Variants in VAV2 observed in about 807,000 individuals in gnomAD.
The protein encoded by VAV2 is vav guanine nucleotide exchange factor 2.
In VAV2, 67 loss-of-function variants were observed where a neutral mutation model predicts 132.5. The observed-to-expected ratio is 0.51, with a 90% confidence interval of 0.42 to 0.62. The LOEUF is 0.62. Among genes scored for constraint, VAV2 ranks in the 20% least tolerant of loss-of-function variants. The pLI, the probability that VAV2 is intolerant of heterozygous loss-of-function variation, is 0.00. For synonymous variants in VAV2, 492 were observed against 443.5 expected, an observed-to-expected ratio of 1.11 and a Z score of -1.37; for missense variants, 938 against 1,153.6, an observed-to-expected ratio of 0.81 and a Z score of 2.71.
chr9:133,968,829 G>A (rs774091430), intron 1 of VAV2, among the ~76,000 whole-genome samples: 2 of 152,146 alleles, frequency 1.3e-5, no homozygotes, highest in Non-Finnish European at 2.9e-5. Context: ...CGAGACCCCC[G>A]GCTGGCTGGC....
intron 2 of VAV2, among the ~76,000 whole-genome samples, chr9:133,873,107 C>CG (rs1466145553): frequency 3.6e-3 from 45 of 12,536 alleles, no homozygotes; most frequent in African/African-American, 0.011. Context: ...AGGGAGGGGG[C>CG]GGGGGGGTGG....
chr9:133,806,014 C>G, intron 9 of VAV2, 67 bp downstream of exon 9: 2 of 1,493,848 alleles, frequency 1.3e-6, no homozygotes, highest in Non-Finnish European at 1.8e-6. Context: ...CACAAGAGTT[C>G]CACTTGTGTA....
At chr9:133,939,372 G>C in intron 1 of VAV2, 153 bp from the exon 2 acceptor site, 1 of 736,662 alleles carries the variant, frequency 1.4e-6, no homozygotes, top group East Asian at 2.5e-5. Flanking sequence ...TGGGCTCAGA[G>C]AGATGACGAA....
chr9:133,830,561 T>C (rs977779775), intron 4 of VAV2, among the ~76,000 whole-genome samples: 1 of 152,238 alleles, frequency 6.6e-6, no homozygotes, highest in East Asian at 1.9e-4. Flanking sequence ...CCTTCCACCA[T>C]GACTATAAGT....
At chr9:133,811,965 G>A in intron 5 of VAV2, 149 bp downstream of exon 5, 1 of 742,554 alleles carries the variant, frequency 1.3e-6, no homozygotes, top group South Asian at 1.7e-5. Flanking sequence ...AAGGACCAAG[G>A]GGTGCACCTC....
At chr9:133,852,697 A>G (rs1352672841) in intron 3 of VAV2, among the ~76,000 whole-genome samples, 7 of 151,810 alleles carry the variant, frequency 4.6e-5, no homozygotes, top group African/African-American at 1.7e-4. Flanking sequence ...AGCAAGAGGG[A>G]GCTCATCTAC....
At position 133,846,897 on chromosome 9, in the gene VAV2, C is replaced by T. The variant is rs556532669; in HGVS notation, c.381-12557G>A. On this transcript the variant is annotated intron_variant, in intron 3 of 29. Transcript: ENST00000371850. Reference sequence around the variant, plus strand: ...CCACTGGGCAGGGGCTCCCAGCAAGCGTGAAGATGAGGATGGAGCCCCACT... The same window carrying T: ...CCACTGGGCAGGGGCTCCCAGCAAGTGTGAAGATGAGGATGGAGCCCCACT... 5.9e-5 allele frequency among the ~76,000 whole-genome samples: 9 copies of T among 152,310 alleles called. No homozygotes were observed. In the South Asian group the frequency reaches 1.9e-3, roughly 32 times the overall value.
At chr9:133,948,386 G>A (rs1841442204) in intron 1 of VAV2, among the ~76,000 whole-genome samples, 1 of 152,242 alleles carries the variant, frequency 6.6e-6, no homozygotes, top group African/African-American at 2.4e-5. Context: ...GGGGTGCGGA[G>A]CTGCTCTACC....
chr9:133,991,799 C>G lies in VAV2; in HGVS notation c.204+276G>C, dbSNP rs1843029576. 6.6e-6 allele frequency among the ~76,000 whole-genome samples: 1 copy of G among 151,160 alleles called. No individual in the cohort carries two copies. The highest frequency in any genetic ancestry group is 1.5e-5 in the Non-Finnish European group (1 of 67,612). On this transcript the variant is annotated intron_variant, in intron 1 of 29. Coordinates refer to ENST00000371850, the MANE Select transcript of VAV2 (RefSeq NM_001134398.2). The surrounding 1 kb of genome is among the most constrained non-coding windows in gnomAD (Gnocchi z 4.8). Reference sequence around the variant, plus strand: ...CGCAGCGCCGGAGCCTCCCCCATCCCAGGCCGCGCAGACCGCGGAACCGGC... The same window carrying G: ...CGCAGCGCCGGAGCCTCCCCCATCCGAGGCCGCGCAGACCGCGGAACCGGC...
chr9:133,779,930 C>T lies in VAV2; in HGVS notation c.1750G>A (p.Gly584Arg), dbSNP rs745404223. The T allele has an allele frequency of 9.2e-5, 148 of 1,612,192 alleles. No individual in the cohort carries two copies. The highest frequency in any genetic ancestry group is 1.2e-4 in the Non-Finnish European group (140 of 1,179,626). The change falls in exon 21 of 30, where the codon GGA becomes AGA. Residue 584 changes from glycine to arginine, a missense_variant. Transcript: ENST00000371850. ...FTSPADLDAS[G>R]AGPGPKMVAM... ...CCAGAAGACTCACCTGGTCCCGCTC[C>T]GGAGGCGTCCTGTGAGGACAAGGAC...
At chr9:133,797,091 C>T (rs56193338) in intron 10 of VAV2, among the ~76,000 whole-genome samples, 3,600 of 152,326 alleles carry the variant, frequency 0.024, 53 homozygotes, top group East Asian at 0.049. Context: ...CCAGGCTCCA[C>T]GCAGAAACCA....
Position 133,964,037 on chromosome 9 carries a change from A to ATATG in VAV2, c.205-24819_205-24818insCATA, listed in dbSNP as rs1480271631. 7.3e-4 allele frequency among the ~76,000 whole-genome samples: 75 copies of ATATG among 102,536 alleles called. 1 individual carries two copies. The highest frequency in any genetic ancestry group is 1.6e-3 in the Non-Finnish European group (71 of 45,744). 67.3% of individuals were successfully genotyped at this position (102,536 alleles called of 152,430 possible). On this transcript the variant is annotated intron_variant, in intron 1 of 29. Transcript: ENST00000371850. ...ATTATTCATTCATATATATATATAT[A>ATATG]TATATATATATACATATATATACAT... is the stretch of plus-strand genomic sequence containing the variant.
chr9:133,780,066 G>A (rs1352427832), intron 20 of VAV2, 127 bp from the exon 21 acceptor site: 2 of 1,275,198 alleles, frequency 1.6e-6, no homozygotes, highest in Non-Finnish European at 2.2e-6. Context: ...GCAGGAGCAG[G>A]GGAGGAGAGG....
chr9:133,800,533 G>A (rs1028288067), intron 9 of VAV2, among the ~76,000 whole-genome samples: 35 of 152,202 alleles, frequency 2.3e-4, no homozygotes, highest in African/African-American at 8.0e-4. Context: ...GCACCACTGC[G>A]GACTCGGCTT....
chr9:133,868,285 C>T (rs1397904584), intron 2 of VAV2, among the ~76,000 whole-genome samples: 1 of 152,218 alleles, frequency 6.6e-6, no homozygotes, highest in South Asian at 2.1e-4. Flanking sequence ...GCACCGCATC[C>T]CCATGAGGTG....
Position 133,991,471 on chromosome 9 carries a change from G to A in VAV2, c.204+604C>T, listed in dbSNP as rs1760872737. ...AAGTGGCCCTGGGGATCCTCGAGGC[G>A]GCTCGACCCGGGAGCCAGGACTGGC... On this transcript the variant is annotated intron_variant, in intron 1 of 29. Transcript: ENST00000371850. The surrounding 1 kb of genome is among the most constrained non-coding windows in gnomAD (Gnocchi z 4.8). Among the ~76,000 whole-genome samples, 1 of 150,534 alleles carries A rather than the reference G, an allele frequency of 6.6e-6. No individual in the cohort carries two copies. The highest frequency in any genetic ancestry group is 6.6e-5 in the Admixed American group (1 of 15,226).
At chr9:133,855,323 A>C (rs758211999) in intron 3 of VAV2, among the ~76,000 whole-genome samples, 1 of 152,196 alleles carries the variant, frequency 6.6e-6, no homozygotes, top group Non-Finnish European at 1.5e-5. Context: ...TCCGGCTGAG[A>C]TGTCTCACAT....
intron 7 of VAV2, among the ~76,000 whole-genome samples, chr9:133,808,727 G>A (rs550832131): frequency 5.3e-5 from 8 of 152,194 alleles, no homozygotes; most frequent in African/African-American, 9.7e-5. Context: ...GGGGGAATAC[G>A]CGAGGAGCTA....
At chr9:133,909,981 T>TCCATCAGA (rs1839818482) in intron 2 of VAV2, among the ~76,000 whole-genome samples, 1 of 146,320 alleles carries the variant, frequency 6.8e-6, no homozygotes, top group Non-Finnish European at 1.5e-5. Flanking sequence ...ATGCTAGCAC[T>TCCATCAGA]CCATCAGACA....
Sources: allele counts gnomAD v4.1 joint callset (sites outside exome capture counted in the v4.1 genomes callset), GRCh38; gene constraint gnomAD v4.1.1; non-coding constraint Gnocchi (gnomAD v3.1); transcripts MANE v1.5; gene names NCBI Gene and HGNC (gene_info 2026-07-23, HGNC 2026-07-21).